The following PSD3 variants were observed in gnomAD, a reference collection of about 807,000 sequenced individuals.
PSD3 encodes PH and SEC7 domain-containing protein 3.
PSD3 carries 49 observed loss-of-function variants against 105.5 expected under a neutral mutation model. That is an observed-to-expected ratio of 0.46 (90% CI 0.37 to 0.59). The LOEUF is 0.59. PSD3 is among the 20% of genes least tolerant of loss of function. The pLI is 0.00. For missense variants in PSD3, 1,561 were observed against 1,263.8 expected, an observed-to-expected ratio of 1.24 and a Z score of -3.57; for synonymous variants, 557 against 457.8, an observed-to-expected ratio of 1.22 and a Z score of -2.77.
intron 4 of PSD3, among the ~76,000 whole-genome samples, chr8:18,821,717 A>ACACACAC (rs1554513425): frequency 2.1e-5 from 3 of 141,114 alleles, no homozygotes; most frequent in Admixed American, 7.1e-5. Context: ...ACACACACAC[A>ACACACAC]CCCCAATAAC....
chr8:18,854,674 C>G (rs183453453), intron 4 of PSD3, among the ~76,000 whole-genome samples: 1 of 152,068 alleles, frequency 6.6e-6, no homozygotes, highest in Non-Finnish European at 1.5e-5. Context: ...CTGAAATAGA[C>G]AACAAAATAG....
chr8:18,616,869 C>T (rs534665272), intron 11 of PSD3, among the ~76,000 whole-genome samples: 60 of 151,998 alleles, frequency 3.9e-4, no homozygotes, highest in African/African-American at 1.3e-3. Context: ...GTGATCCGCC[C>T]GCCTCGGCCT....
At chr8:19,050,360 C>T (rs1177803535) in intron 1 of PSD3, among the ~76,000 whole-genome samples, 5 of 152,254 alleles carry the variant, frequency 3.3e-5, no homozygotes, top group Non-Finnish European at 1.5e-5. Flanking sequence ...ACAGAAAAAT[C>T]ATGCTGCTAT....
chr8:18,782,177 T>C (rs374288857), intron 8 of PSD3, among the ~76,000 whole-genome samples: 5 of 152,130 alleles, frequency 3.3e-5, no homozygotes, highest in African/African-American at 9.7e-5. Flanking sequence ...TTTTTTTTAA[T>C]ATTGGCATCT....
chr8:18,835,496 G>A (rs1814029607), intron 4 of PSD3, among the ~76,000 whole-genome samples: 1 of 152,114 alleles, frequency 6.6e-6, no homozygotes, highest in South Asian at 2.1e-4. Context: ...ACCAAAACAA[G>A]ACAAAAATCC....
At chr8:18,655,532 G>A (rs1021076649) in intron 10 of PSD3, 110 bp downstream of exon 10, 64 of 1,018,312 alleles carry the variant, frequency 6.3e-5, no homozygotes, top group Non-Finnish European at 9.3e-5. Flanking sequence ...TGTAAAATGA[G>A]AATTGGCAAT....
At chr8:18,699,856 G>T (rs535824674) in intron 9 of PSD3, among the ~76,000 whole-genome samples, 2 of 150,674 alleles carry the variant, frequency 1.3e-5, no homozygotes, top group African/African-American at 2.5e-5. Context: ...ACAATAATGA[G>T]ATCCCCACCC....
At chr8:19,045,511 G>A (rs1461082828) in intron 1 of PSD3, among the ~76,000 whole-genome samples, 1 of 152,198 alleles carries the variant, frequency 6.6e-6, no homozygotes. Flanking sequence ...CAACAGCACA[G>A]ATCTCTTGAA....
At chr8:18,627,584 T>C (rs1172034214) in intron 11 of PSD3, among the ~76,000 whole-genome samples, 2 of 152,022 alleles carry the variant, frequency 1.3e-5, no homozygotes, top group East Asian at 1.9e-4. Context: ...GCCTTATTAA[T>C]GGAAATATTT....
chr8:18,846,728 G>T (rs944992310), intron 4 of PSD3, among the ~76,000 whole-genome samples: 1 of 152,116 alleles, frequency 6.6e-6, no homozygotes, highest in Non-Finnish European at 1.5e-5. Flanking sequence ...GGGAGGCGCC[G>T]GCAAAACCGA....
At chr8:18,648,681 C>T (rs1055232199) in intron 10 of PSD3, among the ~76,000 whole-genome samples, 1 of 152,210 alleles carries the variant, frequency 6.6e-6, no homozygotes, top group African/African-American at 2.4e-5. Context: ...GGGAAAATGC[C>T]TCAAAGGCAT....
At chr8:18,963,703 C>A (rs1402589797) in intron 1 of PSD3, among the ~76,000 whole-genome samples, 1 of 152,096 alleles carries the variant, frequency 6.6e-6, no homozygotes, top group Non-Finnish European at 1.5e-5. Flanking sequence ...AGCAATGTTT[C>A]AGGTATAAAT....
chr8:19,083,029 G>A (rs535934842), intron 1 of PSD3, among the ~76,000 whole-genome samples: 10 of 152,108 alleles, frequency 6.6e-5, no homozygotes, highest in Admixed American at 2.0e-4. Context: ...TTTGGATGAC[G>A]CAGTACCCCC....
intron 4 of PSD3, among the ~76,000 whole-genome samples, chr8:18,857,736 T>G (rs1816130208): frequency 6.6e-6 from 1 of 152,116 alleles, no homozygotes; most frequent in African/African-American, 2.4e-5. Context: ...TAGGTCAGGG[T>G]GGGGCTGAGG....
At position 18,677,958 on chromosome 8, in the gene PSD3, C is replaced by G. The variant is rs568763826; in HGVS notation, c.2173-22273G>C. 1.8e-3 allele frequency among the ~76,000 whole-genome samples: 269 copies of G among 147,684 alleles called. 1 individual carries two copies. The highest frequency in any genetic ancestry group is 3.1e-3 in the Non-Finnish European group (209 of 67,490). The stretch of plus-strand genomic sequence containing the variant: ...CTGGGAGGCAGAGCTTGCAGTGAGC[C>G]GAGATCAGGCCACTGCACTCCAGCC... On this transcript the variant is annotated intron_variant, in intron 9 of 15. Transcript: ENST00000327040.
rs1586507938 is a variant in PSD3, at chr8:18,951,037, T to G, written c.22-14895A>C. Among the ~76,000 whole-genome samples the G allele has an allele frequency of 2.0e-5, 3 of 152,344 alleles. No individual in the cohort carries two copies. In the South Asian group the frequency reaches 6.2e-4, roughly 32 times the overall value. On this transcript the variant is annotated intron_variant, in intron 1 of 15. Transcript: ENST00000327040. ...TGCATTTTGACTTGACTCCTCCATG[T>G]GATTCTTAGGCATGCTGATGTTTGA... is the stretch of plus-strand genomic sequence containing the variant.
At chr8:18,826,948 G>GGTAT (rs1813240949) in intron 4 of PSD3, among the ~76,000 whole-genome samples, 1 of 152,114 alleles carries the variant, frequency 6.6e-6, no homozygotes, top group Admixed American at 6.5e-5. Flanking sequence ...TGATATGAAT[G>GGTAT]GTATGATAAT....
chr8:19,043,450 A>T (rs1828198665), intron 1 of PSD3, among the ~76,000 whole-genome samples: 1 of 152,194 alleles, frequency 6.6e-6, no homozygotes, highest in African/African-American at 2.4e-5. Flanking sequence ...GCTGGGAAAG[A>T]AACTAGTAGA....
intron 2 of PSD3, among the ~76,000 whole-genome samples, chr8:18,902,230 T>C (rs956360145): frequency 6.6e-6 from 1 of 152,240 alleles, no homozygotes; most frequent in African/African-American, 2.4e-5. Context: ...TCTTATAGGC[T>C]TTCTTCACTT....
Sources: allele counts gnomAD v4.1 joint callset (sites outside exome capture counted in the v4.1 genomes callset), GRCh38; gene constraint gnomAD v4.1.1; transcripts MANE v1.5; gene names NCBI Gene and HGNC (gene_info 2026-07-23, HGNC 2026-07-21).